TF: variants seen among roughly 807,000 people sequenced by gnomAD.
The protein encoded by TF is transferrin, also known as serotransferrin.
A neutral mutation model predicts 82.4 loss-of-function variants in TF; 55 were observed. The ratio of observed to expected loss-of-function variants is 0.67; its 90% CI spans 0.54 to 0.84. The LOEUF is 0.84. Ranked by LOEUF, TF falls within the 40% of genes least tolerant of loss-of-function variation. The pLI is 0.00. For missense variants in TF, 737 were observed against 868.4 expected (o/e 0.85, Z 1.90); for synonymous variants, 332 against 332.6 (o/e 1.00, Z 0.02).
Position 133,755,464 on chromosome 3 carries a change from A to C in TF, c.604A>C (p.Asn202His). The C allele has an allele frequency of 6.2e-7, 1 of 1,614,120 alleles. No individual in the cohort carries two copies. Among genetic ancestry groups the C allele is most frequent in the South Asian group, 1.1e-5 (1 of 91,072 alleles). The change falls in exon 5 of 17, where the codon AAC becomes CAC. Residue 202 changes from asparagine to histidine, a missense_variant. Asn to His is a moderately conservative substitution (Grantham distance 68). Coordinates refer to ENST00000402696, the MANE Select transcript of TF (RefSeq NM_001063.4). Reference sequence around the variant, plus strand: ...TCCAGGGTGTGGCTGCTCCACCCTTAACCAATACTTCGGCTACTCGGGAGC... The same window carrying C: ...TCCAGGGTGTGGCTGCTCCACCCTTCACCAATACTTCGGCTACTCGGGAGC... ...LCPGCGCSTL[N>H]QYFGYSGAFK...
At chr3:133,680,535 T>TTC in the TF span, among the ~76,000 whole-genome samples, 2 of 147,868 alleles carry the variant, frequency 1.4e-5, no homozygotes, top group African/African-American at 4.9e-5. Flanking sequence ...TTTCTTTTCT[T>TTC]TTTTTTTTTT....
chr3:133,703,927 G>C, the TF span, among the ~76,000 whole-genome samples: 1 of 152,120 alleles, frequency 6.6e-6, no homozygotes, highest in African/African-American at 2.4e-5. Context: ...TTGCTGGGTT[G>C]AGTGACTATA....
At chr3:133,694,551 C>T in the TF span, among the ~76,000 whole-genome samples, 6 of 152,216 alleles carry the variant, frequency 3.9e-5, no homozygotes, top group African/African-American at 1.2e-4. Context: ...GCCCTGGCCT[C>T]CCCAGAGCTT....
At chr3:133,756,772 A>G (rs1559871166) in intron 6 of TF, 59 bp from the exon 7 acceptor site, 1 of 1,600,588 alleles carries the variant, frequency 6.2e-7, no homozygotes, top group Non-Finnish European at 8.6e-7. Context: ...AATTTCAAGG[A>G]TGGGCACCAC....
At chr3:133,679,303 G>A in the TF span, among the ~76,000 whole-genome samples, 3 of 152,124 alleles carry the variant, frequency 2.0e-5, no homozygotes, top group African/African-American at 4.8e-5. Flanking sequence ...ATTATAGGTG[G>A]TAGCCACTGC....
the TF span, among the ~76,000 whole-genome samples, chr3:133,717,699 C>T: frequency 1.4e-4 from 21 of 152,124 alleles, no homozygotes; most frequent in African/African-American, 4.6e-4. Flanking sequence ...CCACTGTGAC[C>T]ACATGGATTG....
intron 2 of TF, among the ~76,000 whole-genome samples, chr3:133,753,028 C>T (rs1372631913): frequency 3.9e-5 from 6 of 152,006 alleles, no homozygotes; most frequent in African/African-American, 1.4e-4. Context: ...AGAGTGAAGA[C>T]GAATGTTTTC....
the TF span, among the ~76,000 whole-genome samples, chr3:133,710,401 G>T: frequency 6.6e-6 from 1 of 152,088 alleles, no homozygotes; most frequent in African/African-American, 2.4e-5. Context: ...TCGTTGGTGT[G>T]CCCCCAACAT....
At position 133,789,125 on chromosome 3, in the gene TF, C is replaced by T. The variant is rs1357423395; in HGVS notation, c.*10505C>T. 1 of 152,340 alleles carries T rather than the reference C, an allele frequency of 6.6e-6. No homozygotes were observed. The highest frequency in any genetic ancestry group is 2.4e-5 in the African/African-American group (1 of 41,468). The allele number at this position is 152,340 out of a possible 1,614,324, so 9.4% of individuals were successfully genotyped here. A position where few individuals can be genotyped will look rare whatever the true frequency, so the allele number is the denominator to read the frequency against. The stretch of plus-strand genomic sequence containing the variant: ...AAGGGGGATTCCCCAGGGGATCCTC[C>T]AGACTTCAACCTCTCCAAAGGGGAT... On this transcript the variant is annotated 3_prime_UTR_variant, in exon 17 of 17. Coordinates refer to ENST00000402696, the MANE Select transcript of TF (RefSeq NM_001063.4).
At chr3:133,697,026 G>A in the TF span, among the ~76,000 whole-genome samples, 3 of 152,096 alleles carry the variant, frequency 2.0e-5, no homozygotes, top group Admixed American at 1.3e-4. Context: ...TTAGATCATC[G>A]CTTTTTACAT....
At chr3:133,726,552 T>A in the TF span, among the ~76,000 whole-genome samples, 2 of 152,320 alleles carry the variant, frequency 1.3e-5, no homozygotes, top group South Asian at 4.1e-4. Context: ...CTCTCTTTTC[T>A]TCTTTATTAG....
chr3:133,758,716 A>T (rs1933904877), intron 8 of TF, among the ~76,000 whole-genome samples: 1 of 152,228 alleles, frequency 6.6e-6, no homozygotes, highest in South Asian at 2.1e-4. Flanking sequence ...ATGTACATTT[A>T]TTCATCAGAC....
At position 133,790,342 on chromosome 3, in the gene TF, G is replaced by T. The variant is rs1934801232; in HGVS notation, c.*11722G>T. 6.6e-6 allele frequency: 1 copy of T among 152,120 alleles called. No homozygotes were observed. 9.4% of individuals were successfully genotyped at this position (152,120 alleles called of 1,614,324 possible). A position where few individuals can be genotyped will look rare whatever the true frequency, so the allele number is the denominator to read the frequency against. On this transcript the variant is annotated 3_prime_UTR_variant, in exon 17 of 17. Transcript: ENST00000402696. ...TTCACTAAAGTTTTAGGTTACTAAGGATAAGAATTCTAGTTAACACATAAT... is the reference window on the plus strand; with the variant it reads ...TTCACTAAAGTTTTAGGTTACTAAGTATAAGAATTCTAGTTAACACATAAT...
rs534548128 is a variant in TF at position 133,784,424 on chromosome 3, G to A, written c.*5804G>A. ...TAGGTGTAAAGAGGTTGTGACTTAT[G>A]ATAGAGTTAGAAAATCACACATCTT... On this transcript the variant is annotated 3_prime_UTR_variant, in exon 17 of 17. Transcript: ENST00000402696. The A allele has an allele frequency of 4.7e-5, 7 of 147,788 alleles. No individual in the cohort carries two copies. Among genetic ancestry groups the A allele is most frequent in the African/African-American group, 7.5e-5 (3 of 39,892 alleles). The allele number at this position is 147,788 out of a possible 1,614,324, so 9.2% of individuals were successfully genotyped here. A position where few individuals can be genotyped will look rare whatever the true frequency, so the allele number is the denominator to read the frequency against.
chr3:133,723,342 A>T, the TF span, among the ~76,000 whole-genome samples: 1 of 151,982 alleles, frequency 6.6e-6, no homozygotes, highest in Non-Finnish European at 1.5e-5. Flanking sequence ...AGAAGTTTTT[A>T]GCTATTATTT....
the TF span, among the ~76,000 whole-genome samples, chr3:133,720,700 A>T: frequency 6.6e-6 from 1 of 152,118 alleles, no homozygotes; most frequent in Non-Finnish European, 1.5e-5. Context: ...GTTTAGTGGA[A>T]TTTAGCAGTG....
the TF span, among the ~76,000 whole-genome samples, chr3:133,670,613 T>C: frequency 6.6e-6 from 1 of 152,200 alleles, no homozygotes; most frequent in Non-Finnish European, 1.5e-5. Flanking sequence ...TGGACTTTAT[T>C]TGGTTTTTGT....
At position 133,748,235 on chromosome 3, in the gene TF, C is replaced by A. The variant is rs41298289; in HGVS notation, c.44-177C>A. 341 of 832,190 alleles carry A rather than the reference C, an allele frequency of 4.1e-4. 1 individual carries two copies. Among genetic ancestry groups the A allele is most frequent in the Middle Eastern group, 1.8e-3 (5 of 2,848 alleles). The allele number at this position is 832,190 out of a possible 1,614,324, so 51.6% of individuals were successfully genotyped here. On this transcript the variant is annotated intron_variant, in intron 1 of 16. Transcript: ENST00000402696. ...GGAAACTGGGAGGCCATTAGGGCAA[C>A]CTTCTATTGGCTCAGACTCAGAATG...
intron 15 of TF, among the ~76,000 whole-genome samples, chr3:133,775,903 G>C (rs1293280902): frequency 6.6e-6 from 1 of 152,062 alleles, no homozygotes; most frequent in Non-Finnish European, 1.5e-5. Context: ...CTACTTCTCA[G>C]TTAACATGAG....
Sources: gnomAD v4.1 joint callset for allele counts (sites outside exome capture counted in the v4.1 genomes callset) on GRCh38, gnomAD v4.1.1 for gene constraint, MANE v1.5 for transcripts, NCBI Gene and HGNC (gene_info 2026-07-23, HGNC 2026-07-21) for gene names.